RERE: variants seen among roughly 807,000 people sequenced by gnomAD.
RERE encodes arginine-glutamic acid dipeptide repeats protein.
A neutral mutation model predicts 146.1 loss-of-function variants in RERE; 40 were observed. The observed-to-expected ratio is 0.27, with a 90% CI of 0.21 to 0.36. RERE has a LOEUF of 0.36. Among genes scored for constraint, RERE ranks in the 10% least tolerant of loss-of-function variants. RERE has a pLI of 1.00. For synonymous variants in RERE, 1,003 were observed against 866.0 expected, an observed-to-expected ratio of 1.16 and a Z score of -2.78; for missense variants, 1,933 against 2,138.7, an observed-to-expected ratio of 0.90 and a Z score of 1.90.
chr1:8,756,883 G>A (rs1640648531), intron 1 of RERE, among the ~76,000 whole-genome samples: 1 of 152,098 alleles, frequency 6.6e-6, no homozygotes, highest in Non-Finnish European at 1.5e-5. Context: ...CCTGACGTCA[G>A]GAGTTTGACA....
intron 12 of RERE, among the ~76,000 whole-genome samples, chr1:8,371,412 A>C (rs901157376): frequency 1.3e-5 from 2 of 152,292 alleles, no homozygotes; most frequent in Middle Eastern, 6.8e-3. Flanking sequence ...AAAGAAAAAC[A>C]AGGGGAAGGG....
chr1:8,788,615 G>A (rs1006237148), intron 1 of RERE, among the ~76,000 whole-genome samples: 4 of 151,080 alleles, frequency 2.6e-5, no homozygotes, highest in African/African-American at 4.9e-5. Flanking sequence ...TACCTGCCTC[G>A]GCCTCCCAAA....
chr1:8,448,206 A>T (rs1176441612), intron 11 of RERE, among the ~76,000 whole-genome samples: 2 of 152,154 alleles, frequency 1.3e-5, no homozygotes, highest in East Asian at 3.9e-4. Flanking sequence ...GTTTCCTATT[A>T]TCAGTATCTG....
intron 11 of RERE, among the ~76,000 whole-genome samples, chr1:8,441,693 T>C (rs1027885572): frequency 6.6e-6 from 1 of 152,226 alleles, no homozygotes; most frequent in Non-Finnish European, 1.5e-5. Context: ...AGTGACACTG[T>C]AACAAAACTA....
At chr1:8,657,306 C>CAAA (rs1400489828) in intron 1 of RERE, among the ~76,000 whole-genome samples, 2 of 14,190 alleles carry the variant, frequency 1.4e-4, no homozygotes, top group Non-Finnish European at 2.9e-4. Context: ...GACTCCGTCT[C>CAAA]AAAAAAAAAA....
At chr1:8,725,658 C>T (rs1639947618) in intron 1 of RERE, among the ~76,000 whole-genome samples, 1 of 152,158 alleles carries the variant, frequency 6.6e-6, no homozygotes, top group African/African-American at 2.4e-5. Flanking sequence ...CACTTTCTGC[C>T]TTGTAAAGCC....
chr1:8,794,235 T>C (rs1171187610), intron 1 of RERE, among the ~76,000 whole-genome samples: 3 of 149,168 alleles, frequency 2.0e-5, no homozygotes, highest in Non-Finnish European at 3.0e-5. Flanking sequence ...CCGTCTCTAC[T>C]AAAAATACAA....
intron 1 of RERE, among the ~76,000 whole-genome samples, chr1:8,749,873 C>T (rs1640495040): frequency 6.6e-6 from 1 of 152,056 alleles, no homozygotes; most frequent in Non-Finnish European, 1.5e-5. Context: ...AACTACAGGC[C>T]AGGCGCAGTG....
chr1:8,608,707 T>C lies in RERE; in HGVS notation c.522+5854A>G, dbSNP rs186615160. Reference sequence around the variant, plus strand: ...TAAATCGTAGGCAGTTATAAAAGCATAGGTTTATTGATATTTGTGATCTAA... The same window carrying C: ...TAAATCGTAGGCAGTTATAAAAGCACAGGTTTATTGATATTTGTGATCTAA... On this transcript the variant is annotated intron_variant, in intron 4 of 22. Coordinates refer to ENST00000400908, the MANE Select transcript of RERE (RefSeq NM_001042681.2). Among the ~76,000 whole-genome samples the C allele has an allele frequency of 4.2e-4, 64 of 152,334 alleles. 1 individual carries two copies. Among genetic ancestry groups the C allele is most frequent in the Admixed American group, 5.2e-4 (8 of 15,306 alleles).
At chr1:8,518,517 C>T (rs370685027) in intron 7 of RERE, among the ~76,000 whole-genome samples, 21 of 152,334 alleles carry the variant, frequency 1.4e-4, no homozygotes, top group African/African-American at 5.1e-4. Context: ...CTTAGAAACG[C>T]TACTTAGTAC....
chr1:8,360,292 C>G lies in RERE; in HGVS notation c.3215G>C (p.Gly1072Ala). The stretch of plus-strand genomic sequence containing the variant: ...TATGCTGCCTCCTGAAGCCGCCGCA[C>G]CAGAGCAGGGTGGCTGGGCCGAGGT... ...PGTSAQPPCS[G>A]AAASGGSIAG... Residue 1072 changes from glycine to alanine, a missense_variant, in exon 18 of 23, where the codon GGT becomes GCT. By Grantham distance (60) the Gly-to-Ala change is moderately conservative. Transcript: ENST00000400908. The G allele has an allele frequency of 6.4e-7, 1 of 1,556,772 alleles. No homozygotes were observed. Among genetic ancestry groups the G allele is most frequent in the South Asian group, 1.2e-5 (1 of 84,600 alleles).
intron 6 of RERE, among the ~76,000 whole-genome samples, chr1:8,551,905 C>G (rs778503848): frequency 1.3e-4 from 20 of 152,300 alleles, no homozygotes; most frequent in Non-Finnish European, 2.4e-4. Flanking sequence ...AAAATTCTTA[C>G]CCGGGAATAA....
chr1:8,766,185 T>C (rs1640841654), intron 1 of RERE, among the ~76,000 whole-genome samples: 1 of 152,120 alleles, frequency 6.6e-6, no homozygotes, highest in African/African-American at 2.4e-5. Flanking sequence ...AAATTTCTAA[T>C]TTTGTTAGAA....
chr1:8,522,156 C>T (rs1645510145), intron 7 of RERE, among the ~76,000 whole-genome samples: 1 of 152,224 alleles, frequency 6.6e-6, no homozygotes, highest in Non-Finnish European at 1.5e-5. Context: ...TGCAGGAATA[C>T]AGGCATGCCC....
At chr1:8,722,815 T>C (rs1212946189) in intron 1 of RERE, among the ~76,000 whole-genome samples, 1 of 152,230 alleles carries the variant, frequency 6.6e-6, no homozygotes, top group Non-Finnish European at 1.5e-5. Context: ...TACGACACCA[T>C]GTTATTTAAA....
intron 12 of RERE, among the ~76,000 whole-genome samples, chr1:8,373,683 C>T (rs543873251): frequency 5.9e-5 from 9 of 152,330 alleles, no homozygotes. Context: ...TGCTCCAACG[C>T]TGCTGCCGAG....
At chr1:8,426,742 C>T (rs1464754720) in intron 11 of RERE, among the ~76,000 whole-genome samples, 1 of 152,112 alleles carries the variant, frequency 6.6e-6, no homozygotes, top group Non-Finnish European at 1.5e-5. Context: ...CTGGCCCTGC[C>T]CACCTTTCCA....
chr1:8,747,398 G>C (rs1640444258), intron 1 of RERE, among the ~76,000 whole-genome samples: 1 of 152,174 alleles, frequency 6.6e-6, no homozygotes. Context: ...GGGAGAACAA[G>C]ACCTGTTAAG....
At chr1:8,446,399 C>G (rs548502458) in intron 11 of RERE, among the ~76,000 whole-genome samples, 83 of 152,146 alleles carry the variant, frequency 5.5e-4, no homozygotes, top group African/African-American at 1.9e-3. Context: ...ACCTTTCTCT[C>G]TGGCTGCCCT....
Sources: gnomAD v4.1 joint callset for allele counts (sites outside exome capture counted in the v4.1 genomes callset) on GRCh38, gnomAD v4.1.1 for gene constraint, MANE v1.5 for transcripts, NCBI Gene and HGNC (gene_info 2026-07-23, HGNC 2026-07-21) for gene names.